KCNMB2: variants seen among roughly 807,000 people sequenced by gnomAD.
KCNMB2 encodes the protein calcium-activated potassium channel subunit beta-2.
Under a neutral mutation model 24.5 loss-of-function variants are expected in KCNMB2, and 9 were observed. The ratio of observed to expected loss-of-function variants is 0.37; its 90% confidence interval spans 0.22 to 0.64. KCNMB2 has a LOEUF of 0.64. Ranked by LOEUF, KCNMB2 falls within the 30% of genes least tolerant of loss-of-function variation. KCNMB2 has a pLI of 0.63. For missense variants in KCNMB2, 226 were observed against 284.3 expected, an observed-to-expected ratio of 0.79 and a Z score of 1.47; for synonymous variants, 109 against 104.4, an observed-to-expected ratio of 1.04 and a Z score of -0.27.
chr3:178,563,516 A>G (rs1468035605), intron 1 of KCNMB2, among the ~76,000 whole-genome samples: 1 of 152,196 alleles, frequency 6.6e-6, no homozygotes, highest in African/African-American at 2.4e-5. Context: ...ACCTGGACTC[A>G]ATTTCATGTG....
intron 1 of KCNMB2, among the ~76,000 whole-genome samples, chr3:178,602,576 G>T (rs577158359): frequency 1.2e-3 from 176 of 151,944 alleles, no homozygotes; most frequent in Non-Finnish European, 1.6e-3. Flanking sequence ...TCGGGGGTGG[G>T]GGGGAGGAGT....
rs542620460 is a variant in KCNMB2 at position 178,721,168 on chromosome 3, G to A, written c.-67-86175G>A. Among the ~76,000 whole-genome samples, 8 of 152,084 alleles carry A rather than the reference G, an allele frequency of 5.3e-5. No homozygotes were observed. In the South Asian group the frequency reaches 1.7e-3, roughly 32 times the overall value. On this transcript the variant is annotated intron_variant, in intron 1 of 4. Transcript: ENST00000452583. ...ATTTTTGTATAAGGTGTAAGGAAGG[G>A]ATCCAGTTTCAGCTTTCCACATATG...
intron 1 of KCNMB2, among the ~76,000 whole-genome samples, chr3:178,578,427 C>T (rs1717070382): frequency 6.6e-6 from 1 of 152,108 alleles, no homozygotes; most frequent in Non-Finnish European, 1.5e-5. Context: ...CAAAAACATA[C>T]CAAATTGTAA....
chr3:178,828,578 A>G (rs1714926662), intron 4 of KCNMB2, among the ~76,000 whole-genome samples: 1 of 152,198 alleles, frequency 6.6e-6, no homozygotes, highest in African/African-American at 2.4e-5. Context: ...TCATTCCTAC[A>G]TTTGTGGTAG....
intron 1 of KCNMB2, among the ~76,000 whole-genome samples, chr3:178,735,212 T>A (rs1723278046): frequency 1.3e-5 from 2 of 152,220 alleles, no homozygotes; most frequent in South Asian, 4.1e-4. Context: ...AGCTGAGCAG[T>A]CTGCCCCTGG....
At chr3:178,690,897 G>A (rs1306744181) in intron 1 of KCNMB2, among the ~76,000 whole-genome samples, 2 of 151,876 alleles carry the variant, frequency 1.3e-5, no homozygotes, top group East Asian at 3.9e-4. Context: ...CGATCTATAG[G>A]TCAATTAAGG....
At position 178,820,310 on chromosome 3, in the gene KCNMB2, CAT is replaced by C. The variant is rs1714576012; in HGVS notation, c.57-5277_57-5276del. On this transcript the variant is annotated intron_variant, in intron 2 of 4. Transcript: ENST00000452583. ...CTGTACACACCTATCTAATCAGTCTCATTGCCATACACTGCAATGACTGACAT... is the reference window on the plus strand; with the variant it reads ...CTGTACACACCTATCTAATCAGTCTCTGCCATACACTGCAATGACTGACAT... 4.6e-5 allele frequency among the ~76,000 whole-genome samples: 7 copies of C among 152,348 alleles called. No homozygotes were observed. The South Asian group carries it at 1.4e-3, about 32-fold the overall frequency.
intron 1 of KCNMB2, among the ~76,000 whole-genome samples, chr3:178,787,929 A>G (rs55913398): frequency 0.14 from 21,520 of 152,146 alleles, 1,861 homozygotes; most frequent in Admixed American, 0.18. Flanking sequence ...GTTTCCTGAA[A>G]ATTAGTTTCC....
intron 1 of KCNMB2, among the ~76,000 whole-genome samples, chr3:178,697,530 C>G (rs1721924355): frequency 6.6e-6 from 1 of 152,180 alleles, no homozygotes; most frequent in Non-Finnish European, 1.5e-5. Flanking sequence ...TTGAAGACAG[C>G]AGCCCAATGG....
intron 1 of KCNMB2, among the ~76,000 whole-genome samples, chr3:178,680,019 A>G (rs115826557): frequency 6.6e-6 from 1 of 152,012 alleles, no homozygotes; most frequent in Non-Finnish European, 1.5e-5. Context: ...GGCAGGTGAC[A>G]GTGGGGAAGA....
chr3:178,669,617 A>G (rs1033875621), intron 1 of KCNMB2, among the ~76,000 whole-genome samples: 2 of 152,140 alleles, frequency 1.3e-5, no homozygotes, highest in Non-Finnish European at 2.9e-5. Context: ...TCAAAGGTGA[A>G]TAAGAGGCAA....
intron 1 of KCNMB2, among the ~76,000 whole-genome samples, chr3:178,690,782 G>C (rs7629468): frequency 0.72 from 109,208 of 152,084 alleles, 39,774 homozygotes; most frequent in African/African-American, 0.87. Flanking sequence ...ATTGAATCAT[G>C]ACATGGTGTA....
intron 1 of KCNMB2, among the ~76,000 whole-genome samples, chr3:178,608,118 A>G (rs1577045122): frequency 6.6e-6 from 1 of 152,344 alleles, no homozygotes; most frequent in Non-Finnish European, 1.5e-5. Flanking sequence ...CAAAATAGAC[A>G]AAATCAGAAA....
At chr3:178,567,522 A>G (rs1369565827) in intron 1 of KCNMB2, among the ~76,000 whole-genome samples, 2 of 152,196 alleles carry the variant, frequency 1.3e-5, no homozygotes, top group African/African-American at 4.8e-5. Flanking sequence ...CTTAAAGCAG[A>G]TAAGAAGCAA....
chr3:178,550,151 T>C (rs548280274), intron 1 of KCNMB2, among the ~76,000 whole-genome samples: 2 of 152,016 alleles, frequency 1.3e-5, no homozygotes, highest in Non-Finnish European at 2.9e-5. Flanking sequence ...ATTTCCTTTG[T>C]TAAAAAATGA....
chr3:178,670,363 G>T (rs1330329750), intron 1 of KCNMB2, among the ~76,000 whole-genome samples: 1 of 151,864 alleles, frequency 6.6e-6, no homozygotes, highest in Non-Finnish European at 1.5e-5. Flanking sequence ...TCTGCAAAGG[G>T]GTGGGGATTA....
intron 1 of KCNMB2, among the ~76,000 whole-genome samples, chr3:178,616,183 T>C (rs1718699507): frequency 6.6e-6 from 1 of 152,154 alleles, no homozygotes; most frequent in Admixed American, 6.5e-5. Flanking sequence ...GCTGATGTCT[T>C]AGTAAGTCGG....
intron 1 of KCNMB2, among the ~76,000 whole-genome samples, chr3:178,687,656 T>C (rs1721515230): frequency 6.6e-6 from 1 of 152,114 alleles, no homozygotes; most frequent in South Asian, 2.1e-4. Context: ...AGAACCTCAA[T>C]TTTTATTATT....
chr3:178,596,211 C>T (rs1393462386), intron 1 of KCNMB2, among the ~76,000 whole-genome samples: 2 of 152,188 alleles, frequency 1.3e-5, no homozygotes, highest in East Asian at 3.9e-4. Context: ...TCACACATTC[C>T]CATGCATCCA....
Sources: allele counts gnomAD v4.1 joint callset (sites outside exome capture counted in the v4.1 genomes callset), GRCh38; gene constraint gnomAD v4.1.1; transcripts MANE v1.5; gene names NCBI Gene and HGNC (gene_info 2026-07-23, HGNC 2026-07-21).